Variants in SPPL2A observed in about 807,000 individuals in gnomAD.
SPPL2A encodes signal peptide peptidase-like 2A.
A neutral mutation model predicts 63.8 loss-of-function variants in SPPL2A; 51 were observed. The ratio of observed to expected loss-of-function variants is 0.80; its 90% CI spans 0.64 to 1.01. The LOEUF (loss-of-function observed/expected upper bound fraction) is 1.01. Ranked by LOEUF, SPPL2A falls within the 50% of genes least tolerant of loss-of-function variation. The pLI, the probability that SPPL2A is intolerant of heterozygous loss-of-function variation, is 0.00. For missense variants in SPPL2A, 553 were observed against 622.7 expected, an observed-to-expected ratio of 0.89 and a Z score of 1.19; for synonymous variants, 188 against 205.8, an observed-to-expected ratio of 0.91 and a Z score of 0.74.
In SPPL2A at chr15:50,746,988, T is replaced by A. The variant is rs539079339; in HGVS notation, c.584+507A>T. On this transcript the variant is annotated intron_variant, in intron 5 of 14. Transcript: ENST00000261854. ...TGGCCTATTTATGTATTATAAAAAG[T>A]GACAGTAGTACCATTTTAGTTGGCC... 3.9e-5 allele frequency among the ~76,000 whole-genome samples: 6 copies of A among 152,288 alleles called. No individual in the cohort carries two copies. The East Asian group carries it at 1.2e-3, about 29-fold the overall frequency.
Position 50,747,493 on chromosome 15 carries a change from A to C in SPPL2A, c.584+2T>G. The C allele has an allele frequency of 1.9e-6, 3 of 1,595,248 alleles. No homozygotes were observed. Among genetic ancestry groups the C allele is most frequent in the Non-Finnish European group, 2.6e-6 (3 of 1,175,188 alleles). ...AAAAACGCTTAAGTTAATTAAACTT[A>C]CAATTCAACTAGTCCACTCCAGTAT... is the stretch of plus-strand genomic sequence containing the variant. On this transcript the variant is annotated splice_donor_variant, in intron 5 of 14. Coordinates refer to ENST00000261854, the MANE Select transcript of SPPL2A (RefSeq NM_032802.4). LOFTEE classifies it high-confidence loss of function.
Position 50,707,800 on chromosome 15 carries a change from T to G in SPPL2A, c.1563A>C (p.Ter521TyrextTer7), listed in dbSNP as rs372672604. 2 of 1,502,264 alleles carry G rather than the reference T, an allele frequency of 1.3e-6. No homozygotes were observed. Among genetic ancestry groups the G allele is most frequent in the Non-Finnish European group, 1.9e-6 (2 of 1,078,512 alleles). The allele number at this position is 1,502,264 out of a possible 1,614,324, so 93.1% of individuals were successfully genotyped here. A position where few individuals can be genotyped will look rare whatever the true frequency, so the allele number is the denominator to read the frequency against. ...CACATTATAGCAGTTCCACATAATA[T>G]TATTGCTGGACAATCTGTTCACCAG... is the stretch of plus-strand genomic sequence containing the variant. ...VISGEQIVQQ[*>Y] Residue 521 changes from the stop codon to tyrosine, a stop_lost, in exon 15 of 15, where the codon TAA (stop) becomes TAC (tyrosine). Coordinates refer to ENST00000261854, the MANE Select transcript of SPPL2A (RefSeq NM_032802.4).
intron 5 of SPPL2A, among the ~76,000 whole-genome samples, chr15:50,742,438 A>C (rs1158478493): frequency 1.3e-5 from 2 of 152,072 alleles, no homozygotes; most frequent in Non-Finnish European, 2.9e-5. Flanking sequence ...CTTTCTACAG[A>C]ACCCAGGCAT....
chr15:50,747,475 CTTAAGTT>C lies in SPPL2A; in HGVS notation c.584+13_584+19del. ...TTTTTAACCATTTATTACAAAAACG[CTTAAGTT>C]AATTAAACTTACAATTCAACTAGTC... On this transcript the variant is annotated intron_variant, in intron 5 of 14. Coordinates refer to ENST00000261854, the MANE Select transcript of SPPL2A (RefSeq NM_032802.4). 6.3e-7 allele frequency: 1 copy of C among 1,581,704 alleles called. No individual in the cohort carries two copies. The highest frequency in any genetic ancestry group is 8.6e-7 in the Non-Finnish European group (1 of 1,167,060).
In SPPL2A at chr15:50,704,870, G is replaced by C. The variant is rs1287084726; in HGVS notation, c.*2930C>G. On this transcript the variant is annotated 3_prime_UTR_variant, in exon 15 of 15. Coordinates refer to ENST00000261854, the MANE Select transcript of SPPL2A (RefSeq NM_032802.4). ...CCAATAAGATTTTAATAGCAAATTA[G>C]AACAAGATTTTACCTCCTTAATAAC... is the stretch of plus-strand genomic sequence containing the variant. 1 of 152,050 alleles carries C rather than the reference G, an allele frequency of 6.6e-6. No individual in the cohort carries two copies. Among genetic ancestry groups the C allele is most frequent in the Non-Finnish European group, 1.5e-5 (1 of 67,994 alleles). 9.4% of individuals were successfully genotyped at this position (152,050 alleles called of 1,614,324 possible).
intron 8 of SPPL2A, among the ~76,000 whole-genome samples, chr15:50,734,092 C>CA (rs1275859890): frequency 6.6e-6 from 1 of 151,836 alleles, no homozygotes; most frequent in Non-Finnish European, 1.5e-5. Flanking sequence ...GGAAATTCCT[C>CA]AAAAAAACTA....
chr15:50,703,064 T>A lies in SPPL2A; in HGVS notation c.*4736A>T, dbSNP rs372347714. The A allele has an allele frequency of 5.3e-5, 8 of 151,722 alleles. No homozygotes were observed. The highest frequency in any genetic ancestry group is 1.9e-4 in the African/African-American group (8 of 41,352). The allele number at this position is 151,722 out of a possible 1,614,324, so 9.4% of individuals were successfully genotyped here. On this transcript the variant is annotated 3_prime_UTR_variant, in exon 15 of 15. Transcript: ENST00000261854. ...TTATTTATTTTATGTTATATATCTA[T>A]ATTTCTTTGAGATGGCATCTTGCTA...
Position 50,722,150 on chromosome 15 carries a change from T to C in SPPL2A, c.1301A>G (p.Tyr434Cys), listed in dbSNP as rs1296167278. 9 of 1,595,904 alleles carry C rather than the reference T, an allele frequency of 5.6e-6. No individual in the cohort carries two copies. In the Admixed American group the frequency reaches 1.0e-4, roughly 18 times the overall value. The change falls in exon 13 of 15, where the codon TAC becomes TGC. Residue 434 changes from tyrosine (Y) to cysteine (C), a missense_variant. Physicochemically the swap from Tyr to Cys is radical, Grantham distance 194. Transcript: ENST00000261854. ...RRFDVQTGSSYIYYVSSTVAY... is the reference protein window; with the variant it reads ...RRFDVQTGSSCIYYVSSTVAY... ...AACTGTAGACGAAACATAGTATATG[T>C]AAGAAGAACCAGTCTGAACATCAAA...
chr15:50,728,500 T>C (rs1041272832), intron 10 of SPPL2A, among the ~76,000 whole-genome samples: 4 of 150,332 alleles, frequency 2.7e-5, no homozygotes, highest in East Asian at 2.0e-4. Context: ...CCCGCCACCA[T>C]GCCCGGCTAA....
intron 8 of SPPL2A, among the ~76,000 whole-genome samples, chr15:50,734,148 C>G (rs895139528): frequency 6.6e-6 from 1 of 152,124 alleles, no homozygotes; most frequent in African/African-American, 2.4e-5. Flanking sequence ...ATTGGATATA[C>G]ATGCAAAAGA....
At chr15:50,728,512 T>G (rs2062704437) in intron 10 of SPPL2A, among the ~76,000 whole-genome samples, 2 of 151,484 alleles carry the variant, frequency 1.3e-5, no homozygotes, top group Non-Finnish European at 2.9e-5. Context: ...CCCGGCTAAT[T>G]TTTTTCTATT....
chr15:50,765,633 G>C lies in SPPL2A; in HGVS notation c.-100C>G, dbSNP rs1046925461. On this transcript the variant is annotated 5_prime_UTR_variant, in exon 1 of 15. Coordinates refer to ENST00000261854, the MANE Select transcript of SPPL2A (RefSeq NM_032802.4). ...GCTGCGCTGCCTCCGTGGCCGGACC[G>C]GACCGGACAGGCGCGGGCGGCCGGG... 3.7e-6 allele frequency: 3 copies of C among 809,472 alleles called. No individual in the cohort carries two copies. The highest frequency in any genetic ancestry group is 4.3e-5 in the Admixed American group (1 of 23,028). 50.1% of individuals were successfully genotyped at this position (809,472 alleles called of 1,614,324 possible).
At chr15:50,750,235 T>C (rs2062895504) in intron 1 of SPPL2A, among the ~76,000 whole-genome samples, 1 of 152,132 alleles carries the variant, frequency 6.6e-6, no homozygotes, top group African/African-American at 2.4e-5. Flanking sequence ...TCCCAAGTAG[T>C]TGGTACTACA....
intron 1 of SPPL2A, among the ~76,000 whole-genome samples, chr15:50,762,068 G>A (rs117152503): frequency 2.3e-3 from 347 of 152,078 alleles, no homozygotes; most frequent in Non-Finnish European, 4.5e-3. Context: ...AAGGAGAGGT[G>A]CAAAATGTAA....
At chr15:50,747,999 T>C in intron 4 of SPPL2A, 114 bp downstream of exon 4, 1 of 506,100 alleles carries the variant, frequency 2.0e-6, no homozygotes, top group Non-Finnish European at 3.3e-6. Context: ...ATAGGCCTTA[T>C]AGCTTCTTGT....
In SPPL2A at chr15:50,705,498, A is replaced by G. The variant is rs2062501291; in HGVS notation, c.*2302T>C. 1 of 152,180 alleles carries G rather than the reference A, an allele frequency of 6.6e-6. No homozygotes were observed. The highest frequency in any genetic ancestry group is 2.1e-4 in the South Asian group (1 of 4,828). The allele number at this position is 152,180 out of a possible 1,614,324, so 9.4% of individuals were successfully genotyped here. ...ACAGCTGTATTTTGGCAAATATTTT[A>G]TTATTATAAATGAAAATACAGAGTT... On this transcript the variant is annotated 3_prime_UTR_variant, in exon 15 of 15. Coordinates refer to ENST00000261854, the MANE Select transcript of SPPL2A (RefSeq NM_032802.4).
chr15:50,729,339 A>G (rs905894349), intron 10 of SPPL2A, among the ~76,000 whole-genome samples: 4 of 152,224 alleles, frequency 2.6e-5, no homozygotes, highest in Non-Finnish European at 4.4e-5. Flanking sequence ...AAGTCAATGA[A>G]TCAAATGGCT....
intron 1 of SPPL2A, among the ~76,000 whole-genome samples, chr15:50,759,119 G>T (rs2062987483): frequency 6.6e-6 from 1 of 151,744 alleles, no homozygotes; most frequent in African/African-American, 2.4e-5. Context: ...GCGCAGCCTG[G>T]CCTCAAACTT....
At chr15:50,714,842 C>T (rs981943278) in intron 14 of SPPL2A, among the ~76,000 whole-genome samples, 1 of 151,826 alleles carries the variant, frequency 6.6e-6, no homozygotes, top group African/African-American at 2.4e-5. Flanking sequence ...ACTTGAGAGG[C>T]TGAGGCAGGA....
Sources: gnomAD v4.1 joint callset for allele counts (sites outside exome capture counted in the v4.1 genomes callset) on GRCh38, gnomAD v4.1.1 for gene constraint, MANE v1.5 for transcripts, NCBI Gene and HGNC (gene_info 2026-07-23, HGNC 2026-07-21) for gene names.